The following RBFOX1 variants were observed in gnomAD, a reference collection of about 807,000 sequenced individuals.
The protein encoded by RBFOX1 is RNA binding fox-1 homolog 1.
A neutral mutation model predicts 57.7 loss-of-function variants in RBFOX1; 8 were observed. That is an observed-to-expected ratio of 0.14 (90% CI 0.08 to 0.25). The LOEUF (loss-of-function observed/expected upper bound fraction) is 0.25. Ranked by LOEUF, RBFOX1 falls within the 10% of genes least tolerant of loss-of-function variation. The pLI is 1.00. For missense variants in RBFOX1, 611 were observed against 548.5 expected, an observed-to-expected ratio of 1.11 and a Z score of -1.14; for synonymous variants, 326 against 222.4, an observed-to-expected ratio of 1.47 and a Z score of -4.15.
intron 1 of RBFOX1, among the ~76,000 whole-genome samples, chr16:5,347,843 A>C: frequency 9.3e-6 from 1 of 106,998 alleles, no homozygotes; most frequent in Non-Finnish European, 1.9e-5. Context: ...CCCACCTGTC[A>C]GCCCATCCAC....
chr16:6,373,098 T>C (rs57829656), intron 2 of RBFOX1, among the ~76,000 whole-genome samples: 632 of 151,078 alleles, frequency 4.2e-3, no homozygotes, highest in African/African-American at 0.014. Context: ...GGAGTATTGT[T>C]GGGTGGAATG....
intron 4 of RBFOX1, among the ~76,000 whole-genome samples, chr16:7,414,721 G>A (rs988507321): frequency 5.3e-5 from 8 of 152,146 alleles, no homozygotes; most frequent in Non-Finnish European, 8.8e-5. Context: ...GGGTTCAAGC[G>A]ATTCTTGTGC....
At chr16:5,451,314 G>A (rs765285204) in intron 1 of RBFOX1, among the ~76,000 whole-genome samples, 6 of 151,976 alleles carry the variant, frequency 3.9e-5, no homozygotes, top group African/African-American at 1.5e-4. Flanking sequence ...CTCAGAGAGC[G>A]ATGATTTGTA....
intron 3 of RBFOX1, among the ~76,000 whole-genome samples, chr16:6,960,564 C>A (rs993999514): frequency 6.6e-6 from 1 of 152,076 alleles, no homozygotes; most frequent in Non-Finnish European, 1.5e-5. Flanking sequence ...ATCTGTTCCC[C>A]TGTGCCCTTC....
intron 1 of RBFOX1, among the ~76,000 whole-genome samples, chr16:6,286,507 C>T (rs1168518699): frequency 2.0e-5 from 3 of 152,162 alleles, no homozygotes; most frequent in East Asian, 1.9e-4. Flanking sequence ...AAGATTGTTG[C>T]AAGGAATGGA....
chr16:5,331,657 C>G (rs1312308619), intron 1 of RBFOX1, among the ~76,000 whole-genome samples: 2 of 152,262 alleles, frequency 1.3e-5, no homozygotes, highest in African/African-American at 2.4e-5. Flanking sequence ...TAGGGTTCAT[C>G]TCTTTACTGA....
intron 4 of RBFOX1, among the ~76,000 whole-genome samples, chr16:5,929,945 T>A (rs1597833185): frequency 6.6e-6 from 1 of 151,042 alleles, no homozygotes; most frequent in Admixed American, 6.6e-5. Context: ...GTGCTTTGAG[T>A]GGGGCACAAT....
chr16:6,847,564 C>T (rs1490273613), intron 3 of RBFOX1, among the ~76,000 whole-genome samples: 1 of 151,804 alleles, frequency 6.6e-6, no homozygotes, highest in East Asian at 1.9e-4. Flanking sequence ...GAAGTGTGGT[C>T]CATGGTCAGT....
chr16:6,455,449 C>T (rs2094746497), intron 2 of RBFOX1, among the ~76,000 whole-genome samples: 1 of 152,162 alleles, frequency 6.6e-6, no homozygotes, highest in Non-Finnish European at 1.5e-5. Flanking sequence ...CAGCAAGTCC[C>T]TTAGCCTCCC....
chr16:7,112,819 CTG>C (rs1478831406), intron 4 of RBFOX1, among the ~76,000 whole-genome samples: 1 of 151,964 alleles, frequency 6.6e-6, no homozygotes, highest in African/African-American at 2.4e-5. Flanking sequence ...TTCTAGGCCT[CTG>C]TTTTATGATT....
intron 2 of RBFOX1, among the ~76,000 whole-genome samples, chr16:5,469,002 G>T (rs1474075799): frequency 6.6e-6 from 1 of 152,224 alleles, no homozygotes; most frequent in African/African-American, 2.4e-5. Context: ...GTCTGCCCGT[G>T]CTGTGGTCAC....
intron 2 of RBFOX1, among the ~76,000 whole-genome samples, chr16:5,549,882 G>C (rs2045387481): frequency 6.6e-6 from 1 of 152,156 alleles, no homozygotes; most frequent in South Asian, 2.1e-4. Flanking sequence ...GCAGGCCCAG[G>C]TGTGGATGAG....
chr16:6,733,470 T>C (rs779427783), intron 3 of RBFOX1, among the ~76,000 whole-genome samples: 1 of 152,196 alleles, frequency 6.6e-6, no homozygotes, highest in African/African-American at 2.4e-5. Flanking sequence ...TTTTGGTGGC[T>C]TTTATAAGGG....
At chr16:6,018,369 C>A (rs893859475), upstream of RBFOX1, among the ~76,000 whole-genome samples, 1 of 152,160 alleles carries the variant, frequency 6.6e-6, no homozygotes, top group African/African-American at 2.4e-5. Context: ...TGAAAAGACT[C>A]CATGTAAAGT....
intron 1 of RBFOX1, among the ~76,000 whole-genome samples, chr16:6,157,976 TGA>T (rs1472343398): frequency 1.3e-5 from 2 of 152,144 alleles, no homozygotes; most frequent in Admixed American, 1.3e-4. Flanking sequence ...AGCAGAAAGA[TGA>T]GATATACTAA....
chr16:7,365,560 G>C (rs113564638), intron 4 of RBFOX1, among the ~76,000 whole-genome samples: 139 of 152,330 alleles, frequency 9.1e-4, no homozygotes, highest in Non-Finnish European at 1.8e-3. Flanking sequence ...GAGTGATGCT[G>C]CTGACATCTA....
At chr16:6,318,027 T>C (rs960820004) in intron 2 of RBFOX1, among the ~76,000 whole-genome samples, 4 of 152,190 alleles carry the variant, frequency 2.6e-5, no homozygotes, top group African/African-American at 9.6e-5. Context: ...ACTCCAGGCC[T>C]GCAAGAGGCT....
intron 1 of RBFOX1, among the ~76,000 whole-genome samples, chr16:6,269,752 A>G (rs893928886): frequency 2.0e-5 from 3 of 152,210 alleles, no homozygotes; most frequent in African/African-American, 7.2e-5. Context: ...TTTTCTAAAC[A>G]GAAAGGAAAG....
chr16:6,275,473 C>T (rs961117938), intron 1 of RBFOX1, among the ~76,000 whole-genome samples: 5 of 152,154 alleles, frequency 3.3e-5, no homozygotes, highest in Admixed American at 6.5e-5. Context: ...ATAACTACCC[C>T]GTGGAATAGT....
Sources: allele counts gnomAD v4.1 joint callset (sites outside exome capture counted in the v4.1 genomes callset), GRCh38; gene constraint gnomAD v4.1.1; transcripts MANE v1.5; gene names NCBI Gene and HGNC (gene_info 2026-07-23, HGNC 2026-07-21).